Variants in SLC25A23 observed in about 807,000 individuals in gnomAD.
SLC25A23 encodes mitochondrial adenyl nucleotide antiporter SLC25A23.
A neutral mutation model predicts 53.9 loss-of-function variants in SLC25A23; 32 were observed. That is an observed-to-expected ratio of 0.59 (90% confidence interval 0.45 to 0.80). SLC25A23 has a LOEUF of 0.80. Among genes scored for constraint, SLC25A23 ranks in the 30% least tolerant of loss-of-function variants. The pLI is 0.00. For missense variants in SLC25A23, 575 were observed against 651.4 expected, an observed-to-expected ratio of 0.88 and a Z score of 1.28; for synonymous variants, 275 against 264.5, an observed-to-expected ratio of 1.04 and a Z score of -0.38.
chr19:6,456,237 A>ATGGGACCCT (rs1405019581), intron 4 of SLC25A23, 183 bp downstream of exon 4: 2 of 974,758 alleles, frequency 2.1e-6, no homozygotes, highest in Non-Finnish European at 3.0e-6. Context: ...GATGTCCCAA[A>ATGGGACCCT]TGGGACCCTT....
chr19:6,449,406 C>T (rs1227093479), intron 8 of SLC25A23, among the ~76,000 whole-genome samples: 1 of 150,396 alleles, frequency 6.6e-6, no homozygotes, highest in Non-Finnish European at 1.5e-5. Context: ...GTGTGCACCA[C>T]CACACCTGGC....
At chr19:6,446,075 A>G (rs750727502) in intron 8 of SLC25A23, among the ~76,000 whole-genome samples, 4 of 146,114 alleles carry the variant, frequency 2.7e-5, no homozygotes, top group Non-Finnish European at 5.9e-5. Flanking sequence ...TATCAAAAAG[A>G]AAAAAGGTCG....
At chr19:6,449,878 T>C (rs926492290) in intron 8 of SLC25A23, among the ~76,000 whole-genome samples, 5 of 148,988 alleles carry the variant, frequency 3.4e-5, no homozygotes, top group Admixed American at 2.7e-4. Context: ...TTTTTTTTTT[T>C]TGAGATGGAG....
chr19:6,438,694 C>G, downstream of SLC25A23: 1 of 223,562 alleles, frequency 4.5e-6, no homozygotes, highest in South Asian at 4.3e-5. Context: ...ACTAAAAATA[C>G]AAAAATTAGC....
Position 6,444,098 on chromosome 19 carries a change from TG to T in SLC25A23, c.1222+52del, listed in dbSNP as rs1042259146. 6.3e-5 allele frequency: 93 copies of T among 1,470,132 alleles called. No individual in the cohort carries two copies. In the African/African-American group the frequency reaches 1.1e-3, roughly 17 times the overall value. 91.1% of individuals were successfully genotyped at this position (1,470,132 alleles called of 1,614,324 possible). A position where few individuals can be genotyped will look rare whatever the true frequency, so the allele number is the denominator to read the frequency against. ...GCCCAGGGCTCTACTTGGGAGAAGCTGGGGCCCAAGCGATGAGACTCCCCCT... is the reference window on the plus strand; with the variant it reads ...GCCCAGGGCTCTACTTGGGAGAAGCTGGGCCCAAGCGATGAGACTCCCCCT... On this transcript the variant is annotated intron_variant, in intron 9 of 9. Coordinates refer to ENST00000301454, the MANE Select transcript of SLC25A23 (RefSeq NM_024103.3).
At chr19:6,451,409 T>TA (rs1374612278) in intron 8 of SLC25A23, among the ~76,000 whole-genome samples, 1 of 151,974 alleles carries the variant, frequency 6.6e-6, no homozygotes, top group Non-Finnish European at 1.5e-5. Flanking sequence ...AATAAATAAA[T>TA]AAAAATAATT....
At chr19:6,452,574 A>G in intron 7 of SLC25A23, 95 bp from the exon 8 acceptor site, 1 of 1,419,700 alleles carries the variant, frequency 7.0e-7, no homozygotes, top group East Asian at 2.4e-5. Context: ...CTGAAAACAG[A>G]TGCCCTGAGA....
intron 8 of SLC25A23, among the ~76,000 whole-genome samples, chr19:6,445,002 T>G (rs1006742447): frequency 6.6e-6 from 1 of 152,026 alleles, no homozygotes; most frequent in Non-Finnish European, 1.5e-5. Flanking sequence ...GGAGTGTCAC[T>G]ATGTTGCTCA....
rs374180337 is a variant in SLC25A23, at chr19:6,458,416, C to A, written c.157-92G>T. On this transcript the variant is annotated intron_variant, in intron 1 of 9. Coordinates refer to ENST00000301454, the MANE Select transcript of SLC25A23 (RefSeq NM_024103.3). ...CACCTTATGCCTTAGGAACCCAGAG[C>A]CCCCAGCGCCTTGAGGAAGGGGATA... is the stretch of plus-strand genomic sequence containing the variant. 115 of 1,408,608 alleles carry A rather than the reference C, an allele frequency of 8.2e-5. No individual in the cohort carries two copies. The African/African-American group carries it at 1.5e-3, about 19-fold the overall frequency. 87.3% of individuals were successfully genotyped at this position (1,408,608 alleles called of 1,614,324 possible). A position where few individuals can be genotyped will look rare whatever the true frequency, so the allele number is the denominator to read the frequency against.
chr19:6,454,984 T>A lies in SLC25A23; in HGVS notation c.484-267A>T, dbSNP rs1258379095. ...CCCACTAAAGGATCCTATTCAAGTA[T>A]CTGCCACATAAAGATCCCTCCAGGC... On this transcript the variant is annotated intron_variant, in intron 4 of 9. Transcript: ENST00000301454. This position sits in a 1 kb window ranked among gnomAD's most constrained non-coding sequence, Gnocchi z 4.3. Among the ~76,000 whole-genome samples the A allele has an allele frequency of 6.6e-6, 1 of 152,156 alleles. No individual in the cohort carries two copies. Among genetic ancestry groups the A allele is most frequent in the Non-Finnish European group, 1.5e-5 (1 of 68,018 alleles).
chr19:6,438,524 A>T (rs780767013), downstream of SLC25A23: 1 of 153,242 alleles, frequency 6.5e-6, no homozygotes, highest in Non-Finnish European at 1.5e-5. Context: ...CCTGGGCAAC[A>T]TGATGAAATC....
chr19:6,437,509 C>T (rs1198122608), downstream of SLC25A23, among the ~76,000 whole-genome samples: 1 of 152,098 alleles, frequency 6.6e-6, no homozygotes, highest in Non-Finnish European at 1.5e-5. Context: ...TGACTGCTGT[C>T]CTTACAAGAC....
downstream of SLC25A23, among the ~76,000 whole-genome samples, chr19:6,439,248 C>T (rs2092377760): frequency 6.6e-6 from 1 of 151,630 alleles, no homozygotes; most frequent in Non-Finnish European, 1.5e-5. Flanking sequence ...CATAACGGTG[C>T]GTGTGCCTGC....
Position 6,452,494 on chromosome 19 carries a change from G to C in SLC25A23, c.904-15C>G. The C allele has an allele frequency of 6.3e-7, 1 of 1,588,050 alleles. No homozygotes were observed. The highest frequency in any genetic ancestry group is 1.1e-5 in the South Asian group (1 of 89,126). The stretch of plus-strand genomic sequence containing the variant: ...GTCTTCAGCACCTGGGGAGAACCTG[G>C]TTATCCCTGGAAAAGCTGTCCCACC... On this transcript the variant is annotated splice_polypyrimidine_tract_variant and intron_variant, in intron 7 of 9. Coordinates refer to ENST00000301454, the MANE Select transcript of SLC25A23 (RefSeq NM_024103.3).
At chr19:6,442,802 C>T (rs186579645) in intron 9 of SLC25A23, among the ~76,000 whole-genome samples, 8 of 152,138 alleles carry the variant, frequency 5.3e-5, no homozygotes, top group East Asian at 1.9e-4. Context: ...CCATCCGCCT[C>T]GGCCTCCCAA....
downstream of SLC25A23, among the ~76,000 whole-genome samples, chr19:6,436,706 C>T (rs187398560): frequency 1.2e-3 from 181 of 151,838 alleles, no homozygotes; most frequent in Admixed American, 3.4e-3. Flanking sequence ...CCCGCCACCA[C>T]GTCCGGCTAA....
downstream of SLC25A23, among the ~76,000 whole-genome samples, chr19:6,439,754 C>T (rs539429627): frequency 1.8e-3 from 271 of 152,050 alleles, 1 homozygote; most frequent in African/African-American, 6.3e-3. Context: ...CGCTTGAACC[C>T]GGGAGGCAGA....
intron 7 of SLC25A23, 68 bp from the exon 8 acceptor site, chr19:6,452,547 C>T: frequency 6.6e-7 from 1 of 1,518,704 alleles, no homozygotes; most frequent in East Asian, 2.3e-5. Flanking sequence ...AATGAAGACA[C>T]CTAGAAATAG....
chr19:6,459,380 G>C lies in SLC25A23; in HGVS notation c.156+93C>G. ...AGGTTCTGGAGTCCAGCCACAGGTA[G>C]TCCCTGGTGGCTCCGGCCGCCCAGT... On this transcript the variant is annotated intron_variant, in intron 1 of 9. Transcript: ENST00000301454. This position sits in a 1 kb window ranked among gnomAD's most constrained non-coding sequence, Gnocchi z 4.6. 1.8e-6 allele frequency: 2 copies of C among 1,098,594 alleles called. No homozygotes were observed. Among genetic ancestry groups the C allele is most frequent in the Admixed American group, 3.0e-5 (1 of 33,352 alleles). 68.1% of individuals were successfully genotyped at this position (1,098,594 alleles called of 1,614,324 possible).
Sources: allele counts gnomAD v4.1 joint callset (sites outside exome capture counted in the v4.1 genomes callset), GRCh38; gene constraint gnomAD v4.1.1; non-coding constraint Gnocchi (gnomAD v3.1); transcripts MANE v1.5; gene names NCBI Gene and HGNC (gene_info 2026-07-23, HGNC 2026-07-21).